The following NKAIN2 variants were observed in gnomAD, a reference collection of about 807,000 sequenced individuals.
The protein encoded by NKAIN2 is sodium/potassium transporting ATPase interacting 2.
In NKAIN2, 14 loss-of-function variants were observed where a neutral mutation model predicts 32.6. The observed-to-expected ratio is 0.43, with a 90% CI of 0.28 to 0.67. NKAIN2 has a LOEUF of 0.67. NKAIN2 is among the 30% of genes least tolerant of loss of function. The probability of loss-of-function intolerance (pLI) is 0.17; values close to 1 mark genes in which losing one functional copy is unlikely to be tolerated. For missense variants in NKAIN2, 198 were observed against 258.3 expected (o/e 0.77, Z 1.60); for synonymous variants, 80 against 87.2 (o/e 0.92, Z 0.46).
chr6:124,323,376 A>C (rs1308300317), intron 2 of NKAIN2, among the ~76,000 whole-genome samples: 1 of 152,240 alleles, frequency 6.6e-6, no homozygotes. Context: ...CTGTCCTACA[A>C]AATCTTAGAA....
intron 4 of NKAIN2, among the ~76,000 whole-genome samples, chr6:124,729,922 A>C (rs1344920732): frequency 1.3e-5 from 2 of 150,384 alleles, no homozygotes; most frequent in African/African-American, 4.9e-5. Context: ...GCAACAGACA[A>C]ACAGAGAGCC....
chr6:124,254,888 G>A, intron 1 of NKAIN2, among the ~76,000 whole-genome samples: 1 of 152,094 alleles, frequency 6.6e-6, no homozygotes, highest in East Asian at 1.9e-4. Flanking sequence ...CTCTAATGTA[G>A]TCACCTCTAT....
intron 4 of NKAIN2, among the ~76,000 whole-genome samples, chr6:124,751,659 A>G (rs1023896138): frequency 6.6e-6 from 1 of 151,830 alleles, no homozygotes; most frequent in African/African-American, 2.4e-5. Context: ...CCAAATCCTT[A>G]TGTATTAAGG....
At chr6:124,377,464 T>C (rs553544638) in intron 3 of NKAIN2, among the ~76,000 whole-genome samples, 39 of 152,250 alleles carry the variant, frequency 2.6e-4, no homozygotes, top group South Asian at 6.2e-4. Flanking sequence ...CAGATGGACA[T>C]AGCACTGGGA....
At chr6:124,043,455 G>A (rs1303884794) in intron 1 of NKAIN2, among the ~76,000 whole-genome samples, 1 of 151,994 alleles carries the variant, frequency 6.6e-6, no homozygotes, top group Non-Finnish European at 1.5e-5. Context: ...TATGACAGTG[G>A]CTAATCTAAA....
chr6:124,057,130 A>G (rs1219595110), intron 1 of NKAIN2, among the ~76,000 whole-genome samples: 2 of 152,102 alleles, frequency 1.3e-5, no homozygotes, highest in Non-Finnish European at 2.9e-5. Flanking sequence ...CTAAGTAAAT[A>G]TATAGGCACC....
intron 1 of NKAIN2, among the ~76,000 whole-genome samples, chr6:124,156,608 A>AG (rs1462964198): frequency 2.6e-5 from 4 of 152,190 alleles, no homozygotes; most frequent in Non-Finnish European, 5.9e-5. Context: ...TGCAGAGCTG[A>AG]GCAAGGCACA....
In NKAIN2 at chr6:124,557,388, C is replaced by A. The variant is rs369088872; in HGVS notation, c.274-100798C>A. Among the ~76,000 whole-genome samples, 401 of 152,180 alleles carry A rather than the reference C, an allele frequency of 2.6e-3. 2 individuals carry two copies. The Middle Eastern group carries it at 0.031, about 12-fold the overall frequency. ...AGTTACATGTTGCTTTATAGCCCTG[C>A]GCTAAAAAGGCACAATTTTCCTCTT... On this transcript the variant is annotated intron_variant, in intron 3 of 6. Coordinates refer to ENST00000368417, the MANE Select transcript of NKAIN2 (RefSeq NM_001040214.3).
At chr6:124,082,057 T>C (rs979189537) in intron 1 of NKAIN2, among the ~76,000 whole-genome samples, 2 of 151,878 alleles carry the variant, frequency 1.3e-5, no homozygotes, top group South Asian at 4.2e-4. Context: ...GGAAGGGTAT[T>C]TTAGGAACTG....
At chr6:123,840,501 A>G (rs1180199809) in intron 1 of NKAIN2, among the ~76,000 whole-genome samples, 2 of 152,052 alleles carry the variant, frequency 1.3e-5, no homozygotes. Context: ...TATTTTTATG[A>G]TTTACATTGA....
At chr6:124,748,402 C>G (rs141830526) in intron 4 of NKAIN2, among the ~76,000 whole-genome samples, 5 of 152,062 alleles carry the variant, frequency 3.3e-5, no homozygotes, top group African/African-American at 4.8e-5. Flanking sequence ...TACAGGCACT[C>G]TTCTTACATC....
intron 3 of NKAIN2, among the ~76,000 whole-genome samples, chr6:124,463,150 C>A (rs1212197273): frequency 6.6e-6 from 1 of 151,916 alleles, no homozygotes; most frequent in Non-Finnish European, 1.5e-5. Flanking sequence ...AATTAAAAAA[C>A]TAAGTGTGTG....
intron 1 of NKAIN2, among the ~76,000 whole-genome samples, chr6:124,267,688 T>A (rs921534072): frequency 2.6e-5 from 4 of 152,164 alleles, no homozygotes; most frequent in Non-Finnish European, 4.4e-5. Flanking sequence ...AGTCAGTCAG[T>A]TGATCCAAAA....
rs182961170 is a variant in NKAIN2 at position 124,410,501 on chromosome 6, C to T, written c.273+55154C>T. 4.6e-3 allele frequency among the ~76,000 whole-genome samples: 703 copies of T among 152,190 alleles called. 7 individuals are homozygous for T. Among genetic ancestry groups the T allele is most frequent in the African/African-American group, 0.016 (666 of 41,506 alleles). On this transcript the variant is annotated intron_variant, in intron 3 of 6. Transcript: ENST00000368417. ...TTTGTTTAGTTTCCATGTAGTTGAG[C>T]GGTTTTGAGTGAGTTTCTTAATCCT...
chr6:123,946,198 A>G (rs1456642917), intron 1 of NKAIN2, among the ~76,000 whole-genome samples: 1 of 152,152 alleles, frequency 6.6e-6, no homozygotes, highest in Non-Finnish European at 1.5e-5. Context: ...TTTATCTTAA[A>G]ATTAAAAAGA....
At chr6:124,388,707 A>G (rs1773018714) in intron 3 of NKAIN2, among the ~76,000 whole-genome samples, 1 of 152,128 alleles carries the variant, frequency 6.6e-6, no homozygotes, top group African/African-American at 2.4e-5. Context: ...ATGCAAAGCA[A>G]AGAAAAATTT....
At chr6:124,562,220 T>A (rs1441748147) in intron 3 of NKAIN2, among the ~76,000 whole-genome samples, 3 of 152,066 alleles carry the variant, frequency 2.0e-5, no homozygotes, top group African/African-American at 7.2e-5. Flanking sequence ...AAAGAGAAAT[T>A]TACCATTGTA....
At chr6:124,046,481 C>A (rs1442190749) in intron 1 of NKAIN2, among the ~76,000 whole-genome samples, 1 of 152,012 alleles carries the variant, frequency 6.6e-6, no homozygotes, top group Non-Finnish European at 1.5e-5. Context: ...CTTTGCTTAA[C>A]CCAGAGTTTC....
intron 2 of NKAIN2, among the ~76,000 whole-genome samples, chr6:124,351,035 TAAAAC>T (rs1261821761): frequency 1.3e-5 from 2 of 152,110 alleles, no homozygotes; most frequent in African/African-American, 4.8e-5. Context: ...AAGTAACTCA[TAAAAC>T]AAGACATAGA....
Sources: allele counts gnomAD v4.1 joint callset (sites outside exome capture counted in the v4.1 genomes callset), GRCh38; gene constraint gnomAD v4.1.1; transcripts MANE v1.5; gene names NCBI Gene and HGNC (gene_info 2026-07-23, HGNC 2026-07-21).